Variants in SORCS3 observed in about 807,000 individuals in gnomAD.
The protein encoded by SORCS3 is VPS10 domain-containing receptor SorCS3.
Under a neutral mutation model 146.3 loss-of-function variants are expected in SORCS3, and 57 were observed. The ratio of observed to expected loss-of-function variants is 0.39; its 90% CI spans 0.31 to 0.49. The LOEUF is 0.49. Among genes scored for constraint, SORCS3 ranks in the 20% least tolerant of loss-of-function variants. The pLI, the probability that SORCS3 is intolerant of heterozygous loss-of-function variation, is 0.92. For synonymous variants in SORCS3, 653 were observed against 618.5 expected (o/e 1.06, Z -0.83); for missense variants, 1,341 against 1,575.5 (o/e 0.85, Z 2.52).
chr10:104,965,728 A>C (rs1428812982), intron 3 of SORCS3, among the ~76,000 whole-genome samples: 1 of 152,132 alleles, frequency 6.6e-6, no homozygotes, highest in Non-Finnish European at 1.5e-5. Context: ...ATAGCTCTGG[A>C]GAAATGTCTA....
intron 4 of SORCS3, among the ~76,000 whole-genome samples, chr10:104,988,787 A>G (rs1589581439): frequency 6.6e-6 from 1 of 152,232 alleles, no homozygotes; most frequent in African/African-American, 2.4e-5. Context: ...TGCTAAAGAG[A>G]AGACAATTTG....
chr10:105,065,657 A>G (rs2055517882), intron 5 of SORCS3, among the ~76,000 whole-genome samples: 1 of 152,184 alleles, frequency 6.6e-6, no homozygotes, highest in Non-Finnish European at 1.5e-5. Context: ...CAGAAGTCAT[A>G]ATACCAGCAG....
chr10:104,847,595 G>A (rs1354157055), intron 2 of SORCS3, among the ~76,000 whole-genome samples: 1 of 152,208 alleles, frequency 6.6e-6, no homozygotes, highest in Non-Finnish European at 1.5e-5. Flanking sequence ...GTCCACAGGT[G>A]TGAGGTCTCT....
intron 1 of SORCS3, among the ~76,000 whole-genome samples, chr10:104,798,315 G>A (rs2017582485): frequency 6.6e-6 from 1 of 152,176 alleles, no homozygotes; most frequent in African/African-American, 2.4e-5. Flanking sequence ...CCGTATAAGT[G>A]AGTACCAGTT....
At chr10:104,846,494 G>T (rs1282291530) in intron 2 of SORCS3, among the ~76,000 whole-genome samples, 4 of 152,186 alleles carry the variant, frequency 2.6e-5, no homozygotes, top group African/African-American at 4.8e-5. Context: ...CCATCAAGAA[G>T]CCTGGAACAG....
In SORCS3 at chr10:104,816,774, C is replaced by G. The variant is rs139271752; in HGVS notation, c.628-26018C>G. 1.8e-3 allele frequency among the ~76,000 whole-genome samples: 275 copies of G among 152,338 alleles called. 2 individuals carry two copies. The highest frequency in any genetic ancestry group is 3.2e-3 in the Non-Finnish European group (215 of 68,032). On this transcript the variant is annotated intron_variant, in intron 1 of 26. Transcript: ENST00000369701. ...CTTAGCCTCTTTGAGCCTGAGCTTCCTCAGCTGAATCATTGGAAACAAAAC... is the reference window on the plus strand; with the variant it reads ...CTTAGCCTCTTTGAGCCTGAGCTTCGTCAGCTGAATCATTGGAAACAAAAC...
chr10:104,681,599 C>T (rs191630974), intron 1 of SORCS3, among the ~76,000 whole-genome samples: 66 of 152,272 alleles, frequency 4.3e-4, no homozygotes, highest in Non-Finnish European at 7.1e-4. Context: ...CTCTCTGAGC[C>T]TAGGTTCTTT....
intron 20 of SORCS3, among the ~76,000 whole-genome samples, chr10:105,229,471 TG>T (rs1443622804): frequency 4.6e-5 from 7 of 152,222 alleles, no homozygotes; most frequent in Admixed American, 1.3e-4. Flanking sequence ...GCTGGTATAA[TG>T]GTTACTTCTT....
intron 3 of SORCS3, among the ~76,000 whole-genome samples, chr10:104,962,592 G>A (rs1333985778): frequency 6.6e-6 from 1 of 152,150 alleles, no homozygotes; most frequent in East Asian, 1.9e-4. Context: ...TGACACACCT[G>A]TCCTGCACCA....
intron 14 of SORCS3, among the ~76,000 whole-genome samples, chr10:105,191,482 G>A (rs551153007): frequency 4.3e-4 from 65 of 152,270 alleles, no homozygotes; most frequent in Admixed American, 4.6e-4. Context: ...GTTTGCAATC[G>A]TAGGAAAACA....
rs571751780 is a variant in SORCS3 at position 104,819,290 on chromosome 10, C to T, written c.628-23502C>T. ...GGTCTGTGTTTTTAAGTAAGTTTCT[C>T]AGATGAGTCTGGCTCAAGGGGTCTG... is the stretch of plus-strand genomic sequence containing the variant. On this transcript the variant is annotated intron_variant, in intron 1 of 26. Transcript: ENST00000369701. 2.6e-5 allele frequency among the ~76,000 whole-genome samples: 4 copies of T among 152,266 alleles called. No homozygotes were observed. In the South Asian group the frequency reaches 8.3e-4, roughly 32 times the overall value.
chr10:105,067,836 G>C (rs1008578223), intron 5 of SORCS3, among the ~76,000 whole-genome samples: 10 of 151,894 alleles, frequency 6.6e-5, no homozygotes, highest in African/African-American at 1.9e-4. Context: ...TGATTTTCTT[G>C]TTTTTCTTTT....
At chr10:105,246,082 A>G (rs994100410) in intron 21 of SORCS3, among the ~76,000 whole-genome samples, 16 of 152,208 alleles carry the variant, frequency 1.1e-4, no homozygotes, top group Non-Finnish European at 1.8e-4. Flanking sequence ...TCTATTCACA[A>G]CAGATGGCTT....
intron 14 of SORCS3, among the ~76,000 whole-genome samples, chr10:105,197,562 A>G (rs573916068): frequency 6.6e-6 from 1 of 152,304 alleles, no homozygotes; most frequent in South Asian, 2.1e-4. Flanking sequence ...GGTTCTAGAC[A>G]ATACATATAA....
At position 105,155,624 on chromosome 10, in the gene SORCS3, T is replaced by C. The variant is rs771194965; in HGVS notation, c.1483-1514T>C. Reference sequence around the variant, plus strand: ...CAGTTGGTTTTAAAGACTGAGGTGATCTGAGGGGCTCATAGTCCCTAGATG... The same window carrying C: ...CAGTTGGTTTTAAAGACTGAGGTGACCTGAGGGGCTCATAGTCCCTAGATG... On this transcript the variant is annotated intron_variant, in intron 9 of 26. Transcript: ENST00000369701. Among the ~76,000 whole-genome samples, 19 of 152,204 alleles carry C rather than the reference T, an allele frequency of 1.2e-4. 1 individual carries two copies. Among genetic ancestry groups the C allele is most frequent in the Admixed American group, 5.2e-4 (8 of 15,284 alleles).
At chr10:104,756,627 C>T (rs893732675) in intron 1 of SORCS3, among the ~76,000 whole-genome samples, 64 of 152,122 alleles carry the variant, frequency 4.2e-4, no homozygotes, top group African/African-American at 1.2e-3. Flanking sequence ...GAAAGCATCC[C>T]AAGAGTGGAG....
intron 13 of SORCS3, among the ~76,000 whole-genome samples, chr10:105,169,372 C>T (rs1014535137): frequency 6.6e-6 from 1 of 151,996 alleles, no homozygotes; most frequent in African/African-American, 2.4e-5. Context: ...CTAAAGGATG[C>T]CAGCTGTGTG....
At chr10:104,965,599 T>G (rs2054822066) in intron 3 of SORCS3, among the ~76,000 whole-genome samples, 1 of 152,200 alleles carries the variant, frequency 6.6e-6, no homozygotes, top group African/African-American at 2.4e-5. Context: ...TGATTTTTTA[T>G]TTTTTATTTT....
rs545788674 is a variant in SORCS3 at position 105,092,055 on chromosome 10, CT to C, written c.1093+2218del. On this transcript the variant is annotated intron_variant, in intron 6 of 26. Transcript: ENST00000369701. ...CATTCTCAGGCTTCGTGAGCTCAGG[CT>C]TAAGACACATTATTTTCTGATGCTG... Among the ~76,000 whole-genome samples the C allele has an allele frequency of 2.4e-3, 358 of 152,278 alleles. 4 individuals are homozygous for C. Among genetic ancestry groups the C allele is most frequent in the African/African-American group, 8.4e-3 (351 of 41,552 alleles).
Sources: gnomAD v4.1 joint callset for allele counts (sites outside exome capture counted in the v4.1 genomes callset) on GRCh38, gnomAD v4.1.1 for gene constraint, MANE v1.5 for transcripts, NCBI Gene and HGNC (gene_info 2026-07-23, HGNC 2026-07-21) for gene names.